Variants in GLB1L2 observed in about 807,000 individuals in gnomAD.
GLB1L2 encodes galactosidase beta 1 like 2, also known as beta-galactosidase-1-like protein 2.
GLB1L2 carries 68 observed loss-of-function variants against 84.1 expected under a neutral mutation model. The ratio of observed to expected loss-of-function variants is 0.81; its 90% confidence interval spans 0.67 to 0.99. The LOEUF (loss-of-function observed/expected upper bound fraction) is 0.99. Among genes scored for constraint, GLB1L2 ranks in the 50% least tolerant of loss-of-function variants. GLB1L2 has a pLI of 0.00. For missense variants in GLB1L2, 762 were observed against 805.6 expected (o/e 0.95, Z 0.66); for synonymous variants, 290 against 318.0 (o/e 0.91, Z 0.94).
chr11:134,336,469 A>G (rs925774939), intron 1 of GLB1L2, among the ~76,000 whole-genome samples: 8 of 152,230 alleles, frequency 5.3e-5, no homozygotes, highest in African/African-American at 1.9e-4. Flanking sequence ...TAATTTATTT[A>G]AACAGCCTTC....
intron 15 of GLB1L2, among the ~76,000 whole-genome samples, chr11:134,372,995 C>G (rs1383336944): frequency 6.6e-6 from 1 of 152,234 alleles, no homozygotes. Context: ...CCTGGGCCCA[C>G]ACTGTGGAGT....
Position 134,362,131 on chromosome 11 carries a change from T to C in GLB1L2, c.734-2197T>C, listed in dbSNP as rs191472147. 1.3e-3 allele frequency among the ~76,000 whole-genome samples: 192 copies of C among 152,386 alleles called. 1 individual carries two copies. Among genetic ancestry groups the C allele is most frequent in the Admixed American group, 4.4e-3 (67 of 15,312 alleles). ...CTACGTCTTTTCTGTTCTTTATCTC[T>C]GTGCCTTTCAGCTCTTCTTTCTGGG... On this transcript the variant is annotated intron_variant, in intron 7 of 18. Coordinates refer to ENST00000535456, the MANE Select transcript of GLB1L2 (RefSeq NM_001370461.1).
At position 134,369,784 on chromosome 11, in the gene GLB1L2, ACAGGGC is replaced by A; in HGVS notation, c.1028-19_1028-14del. Reference sequence around the variant, plus strand: ...TGTGCTGGGGACAGGAATGACCATGACAGGGCCCGGTGTCTTGCAGACTATGATGCT... The same window carrying A: ...TGTGCTGGGGACAGGAATGACCATGACCGGTGTCTTGCAGACTATGATGCT... On this transcript the variant is annotated splice_polypyrimidine_tract_variant and intron_variant, in intron 10 of 18. Transcript: ENST00000535456. 6.2e-7 allele frequency: 1 copy of A among 1,602,746 alleles called. No individual in the cohort carries two copies. The highest frequency in any genetic ancestry group is 8.5e-7 in the Non-Finnish European group (1 of 1,170,568).
At chr11:134,337,605 G>C (rs529732453) in intron 1 of GLB1L2, among the ~76,000 whole-genome samples, 3 of 152,334 alleles carry the variant, frequency 2.0e-5, no homozygotes, top group East Asian at 3.9e-4. Flanking sequence ...AGACAGTTTA[G>C]GGCAGCAGGA....
Position 134,356,308 on chromosome 11 carries a change from G to A in GLB1L2, c.566G>A (p.Arg189His), listed in dbSNP as rs141505053. 1.1e-4 allele frequency: 174 copies of A among 1,613,868 alleles called. No individual in the cohort carries two copies. The African/African-American group carries it at 1.7e-3, about 16-fold the overall frequency. ...TCTGTCTTTTCTCCGCAGTACAAGC[G>A]TGGGGGACCTATCATTGCCGTGCAG... Reference protein sequence around the residue: ...MSRVVPLQYKRGGPIIAVQVE... With the variant: ...MSRVVPLQYKHGGPIIAVQVE... The change falls in exon 6 of 19, where the codon CGT (arginine) becomes CAT (histidine). Residue 189 changes from arginine to histidine, a missense_variant. By Grantham distance (29) the Arg-to-His change is conservative. Transcript: ENST00000535456.
chr11:134,374,490 C>A, intron 17 of GLB1L2, 112 bp from the exon 18 acceptor site: 2 of 872,754 alleles, frequency 2.3e-6, no homozygotes, highest in Non-Finnish European at 3.8e-6. Flanking sequence ...CATGGCTGTC[C>A]AGACACAGCT....
At chr11:134,357,140 T>C (rs1943714579) in intron 6 of GLB1L2, among the ~76,000 whole-genome samples, 1 of 152,222 alleles carries the variant, frequency 6.6e-6, no homozygotes, top group African/African-American at 2.4e-5. Context: ...GGTTCGGCCA[T>C]GGTGTGAGCT....
intron 8 of GLB1L2, among the ~76,000 whole-genome samples, chr11:134,365,694 C>T (rs1409622812): frequency 6.6e-6 from 1 of 152,218 alleles, no homozygotes; most frequent in African/African-American, 2.4e-5. Flanking sequence ...GGCCAGCTGT[C>T]CTGCTAACAG....
At position 134,356,872 on chromosome 11, in the gene GLB1L2, G is replaced by A. The variant is rs149061719; in HGVS notation, c.651+479G>A. Among the ~76,000 whole-genome samples the A allele has an allele frequency of 8.4e-4, 128 of 152,274 alleles. 1 individual carries two copies. The highest frequency in any genetic ancestry group is 2.6e-3 in the African/African-American group (108 of 41,550). On this transcript the variant is annotated intron_variant, in intron 6 of 18. Coordinates refer to ENST00000535456, the MANE Select transcript of GLB1L2 (RefSeq NM_001370461.1). The stretch of plus-strand genomic sequence containing the variant: ...CTGACTCAATGCATGACTGACCAGC[G>A]AAGGGCAGAGCCACACTTAAAATAA...
chr11:134,366,025 A>G (rs1179499727), intron 8 of GLB1L2, among the ~76,000 whole-genome samples: 2 of 152,226 alleles, frequency 1.3e-5, no homozygotes, highest in African/African-American at 4.8e-5. Context: ...TATAGAGTGT[A>G]TAAGACACCC....
At chr11:134,344,677 G>A (rs1341489340) in intron 3 of GLB1L2, among the ~76,000 whole-genome samples, 1 of 152,268 alleles carries the variant, frequency 6.6e-6, no homozygotes, top group Non-Finnish European at 1.5e-5. Flanking sequence ...CTCCACTGCA[G>A]CCCAGAGGGG....
chr11:134,356,172 G>T, intron 5 of GLB1L2, 129 bp from the exon 6 acceptor site: 13 of 749,800 alleles, frequency 1.7e-5, no homozygotes, highest in East Asian at 5.1e-5. Context: ...CTGTCTTATT[G>T]ATACTAATCT....
Position 134,347,375 on chromosome 11 carries a change from T to C in GLB1L2, c.500T>C (p.Phe167Ser), listed in dbSNP as rs752347649. Residue 167 changes from phenylalanine (F) to serine (S), a missense_variant, in exon 5 of 19, where the codon TTC becomes TCC. Phe to Ser is a radical substitution (Grantham distance 155). Transcript: ENST00000535456. ...GMRLRTTYKGFTEAVDLYFDH... is the reference protein window; with the variant it reads ...GMRLRTTYKGSTEAVDLYFDH... Reference sequence around the variant, plus strand: ...AGGCTGAGGACAACTTACAAGGGCTTCACCGAAGCAGTGGACCTTTATTTT... The same window carrying C: ...AGGCTGAGGACAACTTACAAGGGCTCCACCGAAGCAGTGGACCTTTATTTT... 1.9e-6 allele frequency: 3 copies of C among 1,614,170 alleles called. No individual in the cohort carries two copies. In the Admixed American group the frequency reaches 5.0e-5, roughly 27 times the overall value.
chr11:134,333,972 T>G (rs780364518), intron 1 of GLB1L2, among the ~76,000 whole-genome samples: 1 of 152,194 alleles, frequency 6.6e-6, no homozygotes, highest in Non-Finnish European at 1.5e-5. Flanking sequence ...TTGGCATCTT[T>G]TTGATTTTTT....
chr11:134,360,240 AT>A (rs1943763823), intron 7 of GLB1L2: 1 of 152,124 alleles, frequency 6.6e-6, no homozygotes, highest in Admixed American at 6.5e-5. Flanking sequence ...TTTCTTTTGC[AT>A]TTCCTTCCAC....
chr11:134,368,513 GAAGGACAGAGTGACA>G (rs1943894904), intron 9 of GLB1L2, 116 bp from the exon 10 acceptor site: 4 of 880,440 alleles, frequency 4.5e-6, no homozygotes, highest in Non-Finnish European at 7.2e-6. Context: ...ATGAGAGCTA[GAAGGACAGAGTGACA>G]AAGTTGGCCT....
chr11:134,332,882 T>C (rs1943324544), intron 1 of GLB1L2, among the ~76,000 whole-genome samples: 1 of 152,214 alleles, frequency 6.6e-6, no homozygotes, highest in East Asian at 1.9e-4. Context: ...ACTGTGCTTA[T>C]TTTAAGGATT....
At chr11:134,332,562 T>C (rs546292225) in intron 1 of GLB1L2, among the ~76,000 whole-genome samples, 1 of 151,554 alleles carries the variant, frequency 6.6e-6, no homozygotes, top group African/African-American at 2.4e-5. Context: ...CTCCCAAGCC[T>C]CTGGGAGGCG....
chr11:134,360,266 G>C (rs1052870707), intron 7 of GLB1L2: 1 of 152,338 alleles, frequency 6.6e-6, no homozygotes, highest in Non-Finnish European at 1.5e-5. Context: ...CGAGCTGCTG[G>C]AAGATCTCTC....
Sources: allele counts gnomAD v4.1 joint callset (sites outside exome capture counted in the v4.1 genomes callset), GRCh38; gene constraint gnomAD v4.1.1; transcripts MANE v1.5; gene names NCBI Gene and HGNC (gene_info 2026-07-23, HGNC 2026-07-21).